The following SPOCK1 variants were observed in gnomAD, a reference collection of about 807,000 sequenced individuals.
SPOCK1 encodes the protein testican-1.
SPOCK1 carries 23 observed loss-of-function variants against 55.3 expected under a neutral mutation model. The observed-to-expected ratio is 0.42, with a 90% CI of 0.30 to 0.59. SPOCK1 has a LOEUF of 0.59. SPOCK1 is among the 20% of genes least tolerant of loss of function. The pLI is 0.22. For missense variants in SPOCK1, 499 were observed against 552.5 expected (o/e 0.90, Z 0.97); for synonymous variants, 226 against 221.0 (o/e 1.02, Z -0.20).
chr5:137,247,008 A>T (rs1291809708), intron 3 of SPOCK1, among the ~76,000 whole-genome samples: 1 of 152,200 alleles, frequency 6.6e-6, no homozygotes, highest in Non-Finnish European at 1.5e-5. Context: ...TGTCTTCAGG[A>T]CACTTCTGTA....
intron 2 of SPOCK1, among the ~76,000 whole-genome samples, chr5:137,385,571 A>C (rs1463762286): frequency 6.6e-6 from 1 of 152,202 alleles, no homozygotes; most frequent in Non-Finnish European, 1.5e-5. Context: ...CTAATAACTA[A>C]ATAAATGAAC....
intron 3 of SPOCK1, among the ~76,000 whole-genome samples, chr5:137,156,190 C>T (rs1318565299): frequency 1.3e-5 from 2 of 151,980 alleles, no homozygotes; most frequent in African/African-American, 2.4e-5. Context: ...TGGGGAGGGC[C>T]CATAGCAATA....
At chr5:137,383,535 G>A (rs939585280) in intron 2 of SPOCK1, among the ~76,000 whole-genome samples, 3 of 152,188 alleles carry the variant, frequency 2.0e-5, no homozygotes, top group African/African-American at 7.2e-5. Context: ...GGCTGACCTT[G>A]CAAGGTGACC....
intron 2 of SPOCK1, among the ~76,000 whole-genome samples, chr5:137,408,651 C>G (rs1316316654): frequency 6.6e-6 from 1 of 152,126 alleles, no homozygotes; most frequent in Non-Finnish European, 1.5e-5. Flanking sequence ...CTCTCTGGAC[C>G]CCATTTACTT....
At chr5:137,323,599 T>A (rs1758019498) in intron 2 of SPOCK1, among the ~76,000 whole-genome samples, 1 of 151,316 alleles carries the variant, frequency 6.6e-6, no homozygotes, top group Non-Finnish European at 1.5e-5. Flanking sequence ...GGGATTAATA[T>A]CCAAAATATA....
intron 6 of SPOCK1, among the ~76,000 whole-genome samples, chr5:137,062,304 A>C (rs1324703958): frequency 1.3e-5 from 2 of 151,916 alleles, no homozygotes; most frequent in Non-Finnish European, 2.9e-5. Context: ...CACCTCGGGG[A>C]AGGGGAAGCT....
intron 2 of SPOCK1, among the ~76,000 whole-genome samples, chr5:137,311,586 C>CTAAA: frequency 2.0e-5 from 3 of 152,236 alleles, no homozygotes; most frequent in African/African-American, 7.2e-5. Context: ...ATCTACTCCG[C>CTAAA]TCTTTTCCTT....
At chr5:137,430,348 T>A (rs1752717514) in intron 2 of SPOCK1, among the ~76,000 whole-genome samples, 1 of 152,248 alleles carries the variant, frequency 6.6e-6, no homozygotes, top group South Asian at 2.1e-4. Flanking sequence ...TACTCCGCAA[T>A]TCACAGACAG....
At position 137,162,857 on chromosome 5, in the gene SPOCK1, T is replaced by C. The variant is rs529898423; in HGVS notation, c.233-22163A>G. Among the ~76,000 whole-genome samples the C allele has an allele frequency of 1.7e-3, 254 of 152,310 alleles. 3 individuals carry two copies. Among genetic ancestry groups the C allele is most frequent in the Non-Finnish European group, 3.3e-3 (224 of 68,026 alleles). ...GAAAAGAGGACAGGAAACTGAGACA[T>C]GTCCCTAAAGAATCTCCTGAGAGCC... On this transcript the variant is annotated intron_variant, in intron 3 of 10. Coordinates refer to ENST00000394945, the MANE Select transcript of SPOCK1 (RefSeq NM_004598.4).
rs143445352 is a variant in SPOCK1, at chr5:137,317,933, T to C, written c.187-50878A>G. 3.7e-3 allele frequency among the ~76,000 whole-genome samples: 563 copies of C among 152,350 alleles called. 7 individuals are homozygous for C. Among genetic ancestry groups the C allele is most frequent in the African/African-American group, 0.013 (543 of 41,582 alleles). Reference sequence around the variant, plus strand: ...CAGTAGACACTTTATTTTTGTAAGCTGTACCCAGTTTTGTTTTGATAGCTC... The same window carrying C: ...CAGTAGACACTTTATTTTTGTAAGCCGTACCCAGTTTTGTTTTGATAGCTC... On this transcript the variant is annotated intron_variant, in intron 2 of 10. Coordinates refer to ENST00000394945, the MANE Select transcript of SPOCK1 (RefSeq NM_004598.4).
At chr5:137,067,891 C>G in intron 5 of SPOCK1, 62 bp from the exon 6 acceptor site, 1 of 1,378,690 alleles carries the variant, frequency 7.3e-7, no homozygotes, top group African/African-American at 1.4e-5. Context: ...TACCCCGCCT[C>G]CTAAGAAACA....
intron 2 of SPOCK1, among the ~76,000 whole-genome samples, chr5:137,363,870 A>G (rs892296453): frequency 1.3e-5 from 2 of 152,242 alleles, no homozygotes; most frequent in East Asian, 3.8e-4. Flanking sequence ...GTCACTGGGG[A>G]CAGGCTTGAG....
At chr5:137,095,933 C>A (rs1261255259) in intron 5 of SPOCK1, among the ~76,000 whole-genome samples, 2 of 151,738 alleles carry the variant, frequency 1.3e-5, no homozygotes, top group African/African-American at 2.4e-5. Flanking sequence ...TCATTCCCTC[C>A]CCACAGCACC....
intron 2 of SPOCK1, among the ~76,000 whole-genome samples, chr5:137,310,182 G>A (rs1282793867): frequency 6.6e-6 from 1 of 152,170 alleles, no homozygotes; most frequent in African/African-American, 2.4e-5. Flanking sequence ...TTCTTCAAAA[G>A]GAGTCTTAAA....
chr5:137,441,353 G>T (rs1753003080), intron 2 of SPOCK1, among the ~76,000 whole-genome samples: 1 of 152,226 alleles, frequency 6.6e-6, no homozygotes, highest in African/African-American at 2.4e-5. Context: ...TCAAGACCTA[G>T]CCAAGGAAAT....
chr5:137,037,216 C>T (rs545764548), intron 6 of SPOCK1, among the ~76,000 whole-genome samples: 54 of 151,808 alleles, frequency 3.6e-4, no homozygotes, highest in African/African-American at 1.3e-3. Flanking sequence ...GTCATGGTAT[C>T]GTCAACAATA....
At chr5:137,065,197 C>T (rs1471891273) in intron 6 of SPOCK1, among the ~76,000 whole-genome samples, 3 of 138,210 alleles carry the variant, frequency 2.2e-5, no homozygotes, top group Non-Finnish European at 4.5e-5. Flanking sequence ...CACTGCACTC[C>T]AGCACGGGTG....
intron 4 of SPOCK1, among the ~76,000 whole-genome samples, chr5:137,122,963 G>C (rs1439475371): frequency 1.3e-5 from 2 of 152,216 alleles, no homozygotes; most frequent in Non-Finnish European, 2.9e-5. Context: ...CATTAAGAAG[G>C]AGCAAGTCAG....
intron 2 of SPOCK1, among the ~76,000 whole-genome samples, chr5:137,448,463 GT>G (rs1349899715): frequency 6.6e-6 from 1 of 152,052 alleles, no homozygotes; most frequent in African/African-American, 2.4e-5. Context: ...CTACTGTGAA[GT>G]GCAACCCCAG....
Sources: gnomAD v4.1 joint callset for allele counts (sites outside exome capture counted in the v4.1 genomes callset) on GRCh38, gnomAD v4.1.1 for gene constraint, MANE v1.5 for transcripts, NCBI Gene and HGNC (gene_info 2026-07-23, HGNC 2026-07-21) for gene names.